PLCB4: variants seen among roughly 807,000 people sequenced by gnomAD.
PLCB4 encodes the protein 1-phosphatidylinositol 4,5-bisphosphate phosphodiesterase beta-4.
PLCB4 carries 77 observed loss-of-function variants against 178.8 expected under a neutral mutation model. The ratio of observed to expected loss-of-function variants is 0.43; its 90% confidence interval spans 0.36 to 0.52. PLCB4 has a LOEUF of 0.52. Ranked by LOEUF, PLCB4 falls within the 20% of genes least tolerant of loss-of-function variation. PLCB4 has a pLI of 0.00. For missense variants in PLCB4, 1,024 were observed against 1,453.4 expected, an observed-to-expected ratio of 0.70 and a Z score of 4.80; for synonymous variants, 496 against 490.8, an observed-to-expected ratio of 1.01 and a Z score of -0.14.
intron 3 of PLCB4, among the ~76,000 whole-genome samples, chr20:9,237,732 G>T (rs2094008885): frequency 6.6e-6 from 1 of 152,340 alleles, no homozygotes; most frequent in Admixed American, 6.5e-5. Context: ...TTGCACAGAA[G>T]TGAAATGCTG....
rs2094886300 is a variant in PLCB4, at chr20:9,315,269, G to C, written c.84+7371G>C. 2.0e-5 allele frequency among the ~76,000 whole-genome samples: 3 copies of C among 152,246 alleles called. No homozygotes were observed. In the South Asian group the frequency reaches 6.2e-4, roughly 32 times the overall value. ...ACAACAAGCTATATAGCAACTTAAT[G>C]ATGATAAACAATCTTGAGTACAGTT... is the stretch of plus-strand genomic sequence containing the variant. On this transcript the variant is annotated intron_variant, in intron 4 of 39. Transcript: ENST00000378473.
intron 2 of PLCB4, among the ~76,000 whole-genome samples, chr20:9,152,169 T>C (rs954399241): frequency 1.3e-5 from 2 of 152,058 alleles, no homozygotes; most frequent in African/African-American, 4.8e-5. Context: ...GTTTGGAAAA[T>C]TTGCAAACTG....
At chr20:9,217,664 G>A (rs1355529171) in intron 3 of PLCB4, among the ~76,000 whole-genome samples, 1 of 152,100 alleles carries the variant, frequency 6.6e-6, no homozygotes, top group Non-Finnish European at 1.5e-5. Flanking sequence ...ACTAACCTTG[G>A]GCACTTTACC....
At chr20:9,171,427 T>C (rs2093061938) in intron 2 of PLCB4, among the ~76,000 whole-genome samples, 1 of 152,196 alleles carries the variant, frequency 6.6e-6, no homozygotes, top group African/African-American at 2.4e-5. Context: ...AGCTGTCTAT[T>C]CAAAAATTAA....
rs141807348 is a variant in PLCB4, at chr20:9,352,382, A to C, written c.370-10514A>C. ...GAAATAGATGCAGTTATTTGTGACA[A>C]GATTCTATAGATCCAATAGGACATT... On this transcript the variant is annotated intron_variant, in intron 7 of 39. Transcript: ENST00000378473. 2.1e-3 allele frequency among the ~76,000 whole-genome samples: 309 copies of C among 150,456 alleles called. 2 individuals are homozygous for C. The highest frequency in any genetic ancestry group is 0.014 in the Middle Eastern group (4 of 294).
At chr20:9,253,423 A>G (rs1431790879) in intron 3 of PLCB4, among the ~76,000 whole-genome samples, 1 of 151,978 alleles carries the variant, frequency 6.6e-6, no homozygotes, top group African/African-American at 2.4e-5. Flanking sequence ...CTGTGCTGAT[A>G]CCTACTCAGA....
intron 3 of PLCB4, among the ~76,000 whole-genome samples, chr20:9,288,406 CT>C (rs5840316): frequency 0.2 from 28,700 of 140,402 alleles, 4,741 homozygotes; most frequent in African/African-American, 0.44. Context: ...CCTGTAGTTG[CT>C]TTTTTTTTTT....
intron 2 of PLCB4, among the ~76,000 whole-genome samples, chr20:9,214,560 G>GACACACACAC (rs11474652): frequency 1.4e-3 from 198 of 145,588 alleles, no homozygotes; most frequent in African/African-American, 4.0e-3. Context: ...AAACACCCCA[G>GACACACACAC]ACACACACAC....
intron 30 of PLCB4, among the ~76,000 whole-genome samples, chr20:9,441,637 C>CA (rs2042109816): frequency 1.3e-5 from 2 of 152,284 alleles, no homozygotes; most frequent in South Asian, 4.1e-4. Context: ...ACATACTTCT[C>CA]AGAGGTCTCC....
chr20:9,461,095 C>T (rs761454581), intron 35 of PLCB4, among the ~76,000 whole-genome samples: 4 of 152,126 alleles, frequency 2.6e-5, no homozygotes, highest in African/African-American at 4.8e-5. Context: ...AGATACTTCA[C>T]GGAATACAGC....
chr20:9,312,353 T>TACACACACACACAC (rs34443371), intron 4 of PLCB4, among the ~76,000 whole-genome samples: 4 of 127,866 alleles, frequency 3.1e-5, no homozygotes, highest in African/African-American at 8.5e-5. Context: ...CCTTCCACCC[T>TACACACACACACAC]ACACACACAC....
chr20:9,393,918 G>GC (rs1178210547), intron 18 of PLCB4, among the ~76,000 whole-genome samples: 1 of 152,096 alleles, frequency 6.6e-6, no homozygotes, highest in Non-Finnish European at 1.5e-5. Flanking sequence ...TTTGGAGAGG[G>GC]CCCAAGGAAA....
intron 2 of PLCB4, among the ~76,000 whole-genome samples, chr20:9,110,807 GT>G (rs2146688714): frequency 6.6e-6 from 1 of 152,132 alleles, no homozygotes; most frequent in South Asian, 2.1e-4. Flanking sequence ...TTTAGGCATC[GT>G]AAAATACTGT....
chr20:9,208,239 A>G (rs1222253084), intron 2 of PLCB4, among the ~76,000 whole-genome samples: 1 of 152,226 alleles, frequency 6.6e-6, no homozygotes, highest in Non-Finnish European at 1.5e-5. Flanking sequence ...ATGACTCTGG[A>G]TAAGTGAGAT....
intron 1 of PLCB4, among the ~76,000 whole-genome samples, chr20:9,094,577 A>T (rs1481061854): frequency 6.6e-6 from 1 of 152,200 alleles, no homozygotes; most frequent in African/African-American, 2.4e-5. Context: ...AGTGAATATC[A>T]CAGTGAACCT....
chr20:9,422,994 A>G (rs144233143), intron 27 of PLCB4, among the ~76,000 whole-genome samples: 1 of 152,246 alleles, frequency 6.6e-6, no homozygotes, highest in Non-Finnish European at 1.5e-5. Flanking sequence ...GGCATTCCTG[A>G]TTAAACACAT....
chr20:9,353,589 T>G (rs1424440744), intron 7 of PLCB4, among the ~76,000 whole-genome samples: 1 of 152,260 alleles, frequency 6.6e-6, no homozygotes, highest in Admixed American at 6.5e-5. Flanking sequence ...GATGAATACC[T>G]TTGAAAGATA....
At chr20:9,202,354 C>A (rs1307782141) in intron 2 of PLCB4, among the ~76,000 whole-genome samples, 2 of 152,104 alleles carry the variant, frequency 1.3e-5, no homozygotes, top group African/African-American at 4.8e-5. Context: ...ATGAGAGAGT[C>A]TATTTTATTG....
intron 24 of PLCB4, among the ~76,000 whole-genome samples, chr20:9,410,599 G>A (rs754668139): frequency 1.3e-5 from 2 of 152,154 alleles, no homozygotes; most frequent in Non-Finnish European, 2.9e-5. Context: ...CTGGAAGCAT[G>A]CCACCAAGTT....
Sources: allele counts gnomAD v4.1 joint callset (sites outside exome capture counted in the v4.1 genomes callset), GRCh38; gene constraint gnomAD v4.1.1; transcripts MANE v1.5; gene names NCBI Gene and HGNC (gene_info 2026-07-23, HGNC 2026-07-21).